ANO10: variants seen among roughly 807,000 people sequenced by gnomAD.
ANO10 encodes anoctamin 10.
In ANO10, 77 loss-of-function variants were observed where a neutral mutation model predicts 74.7. The ratio of observed to expected loss-of-function variants is 1.03; its 90% CI spans 0.86 to 1.25. The LOEUF (loss-of-function observed/expected upper bound fraction) is 1.25. Among genes scored for constraint, ANO10 ranks in the 50% most tolerant of loss-of-function variants. The pLI is 0.00. For missense variants in ANO10, 721 were observed against 778.1 expected (o/e 0.93, Z 0.87); for synonymous variants, 279 against 284.9 (o/e 0.98, Z 0.21).
chr3:43,545,617 C>T (rs1005814137), intron 11 of ANO10, among the ~76,000 whole-genome samples: 3 of 152,170 alleles, frequency 2.0e-5, no homozygotes, highest in Non-Finnish European at 2.9e-5. Context: ...CTGCCCACCT[C>T]GGCCTCCTAA....
intron 1 of ANO10, among the ~76,000 whole-genome samples, chr3:43,689,108 G>A (rs757336422): frequency 1.3e-5 from 2 of 152,086 alleles, no homozygotes; most frequent in Non-Finnish European, 2.9e-5. Flanking sequence ...CAGCATTAAG[G>A]GGATAGTGCC....
chr3:43,453,178 CCT>C (rs2074956566), intron 11 of ANO10, among the ~76,000 whole-genome samples: 1 of 138,190 alleles, frequency 7.2e-6, no homozygotes, highest in Non-Finnish European at 1.5e-5. Flanking sequence ...TTCTTTTCCC[CCT>C]TTTTTTTTTT....
At chr3:43,622,022 C>G (rs886161433), upstream of ANO10, 4 of 152,596 alleles carry the variant, frequency 2.6e-5, no homozygotes, top group East Asian at 5.8e-4. Context: ...GGGGCGGGCG[C>G]CGCCGAGCGC....
intron 11 of ANO10, among the ~76,000 whole-genome samples, chr3:43,482,310 G>A (rs2076304836): frequency 6.6e-6 from 1 of 152,128 alleles, no homozygotes; most frequent in Non-Finnish European, 1.5e-5. Flanking sequence ...AGGATCTCCT[G>A]GGGCTGTGTC....
rs1180221220 is a variant in ANO10 at position 43,366,193 on chromosome 3, C to T, written c.*713G>A. On this transcript the variant is annotated 3_prime_UTR_variant, in exon 13 of 13. Transcript: ENST00000292246. ...ACCAGCAGCAGTTCTCAAAAATGGC[C>T]CAGCCTTCAGCTACAAGCTTTGGTG... 1.3e-5 allele frequency: 2 copies of T among 154,090 alleles called. No homozygotes were observed. The highest frequency in any genetic ancestry group is 4.8e-5 in the African/African-American group (2 of 41,468). 9.5% of individuals were successfully genotyped at this position (154,090 alleles called of 1,614,324 possible). A position where few individuals can be genotyped will look rare whatever the true frequency, so the allele number is the denominator to read the frequency against.
intron 11 of ANO10, among the ~76,000 whole-genome samples, chr3:43,489,464 A>T (rs1340441682): frequency 1.3e-5 from 2 of 152,100 alleles, no homozygotes; most frequent in Admixed American, 6.5e-5. Flanking sequence ...TCCCATGTAC[A>T]CGTTAAATAA....
intron 3 of ANO10, 49 bp from the exon 4 acceptor site, chr3:43,598,715 A>G (rs761159957): frequency 4.9e-6 from 7 of 1,421,386 alleles, no homozygotes; most frequent in South Asian, 1.2e-5. Flanking sequence ...CAAAATAAAA[A>G]TATTCCAATT....
At chr3:43,627,721 A>C (rs1047746770) in intron 1 of ANO10, among the ~76,000 whole-genome samples, 2 of 152,188 alleles carry the variant, frequency 1.3e-5, no homozygotes, top group East Asian at 3.8e-4. Context: ...CGTTTCTTAT[A>C]GAGTTTATTT....
chr3:43,689,163 A>T (rs554212681), intron 1 of ANO10: 2 of 152,216 alleles, frequency 1.3e-5, no homozygotes, highest in African/African-American at 4.8e-5. Flanking sequence ...ATCACCACCC[A>T]TCAAACCCCA....
intron 12 of ANO10, among the ~76,000 whole-genome samples, chr3:43,406,744 A>G (rs993409055): frequency 1.3e-5 from 2 of 152,184 alleles, no homozygotes; most frequent in African/African-American, 4.8e-5. Flanking sequence ...GATGCCATGA[A>G]CACTATGTTC....
chr3:43,601,260 C>T (rs578190794), intron 2 of ANO10, among the ~76,000 whole-genome samples: 6 of 152,234 alleles, frequency 3.9e-5, no homozygotes, highest in African/African-American at 7.2e-5. Context: ...GGTTGGAGTA[C>T]GGTGGCACGA....
At position 43,439,116 on chromosome 3, in the gene ANO10, A is replaced by G. The variant is rs187410777; in HGVS notation, c.1798-6389T>C. 1.2e-3 allele frequency among the ~76,000 whole-genome samples: 187 copies of G among 152,218 alleles called. 1 individual carries two copies. Among genetic ancestry groups the G allele is most frequent in the African/African-American group, 4.0e-3 (165 of 41,542 alleles). On this transcript the variant is annotated intron_variant, in intron 11 of 12. Transcript: ENST00000292246. ...ATCAAACTGTCAAAATCAAAGACAA[A>G]GAGAGTATCTTGAAAGCAGCAAGAG... is the stretch of plus-strand genomic sequence containing the variant.
At chr3:43,660,737 G>A (rs911860599) in intron 1 of ANO10, among the ~76,000 whole-genome samples, 12 of 152,214 alleles carry the variant, frequency 7.9e-5, no homozygotes, top group East Asian at 5.8e-4. Context: ...GGCGGATCAC[G>A]TGAGGTCAGG....
At chr3:43,611,134 C>T (rs958016873) in intron 1 of ANO10, among the ~76,000 whole-genome samples, 2 of 152,222 alleles carry the variant, frequency 1.3e-5, no homozygotes, top group South Asian at 2.1e-4. Context: ...AGACTAAATT[C>T]GAGACAATAG....
At chr3:43,663,845 A>G (rs1645231237) in intron 1 of ANO10, among the ~76,000 whole-genome samples, 1 of 152,238 alleles carries the variant, frequency 6.6e-6, no homozygotes, top group Non-Finnish European at 1.5e-5. Context: ...GACCTCTTCA[A>G]GAAGAACTAC....
At chr3:43,400,318 C>T (rs183059593) in intron 12 of ANO10, among the ~76,000 whole-genome samples, 35 of 151,730 alleles carry the variant, frequency 2.3e-4, no homozygotes, top group African/African-American at 8.5e-4. Flanking sequence ...ACTAGGTCAA[C>T]TCCCAGAGAT....
At chr3:43,470,366 C>A (rs539075410) in intron 11 of ANO10, among the ~76,000 whole-genome samples, 102 of 152,080 alleles carry the variant, frequency 6.7e-4, no homozygotes, top group African/African-American at 2.4e-3. Flanking sequence ...TTTGTTTTTT[C>A]TTTTTGAGAC....
At position 43,605,742 on chromosome 3, in the gene ANO10, G is replaced by A. The variant is rs1015302658; in HGVS notation, c.111C>T (p.Asn37=). The A allele has an allele frequency of 6.2e-7, 1 of 1,613,462 alleles. No homozygotes were observed. The highest frequency in any genetic ancestry group is 8.5e-7 in the Non-Finnish European group (1 of 1,179,634). Residue 37 remains asparagine, a synonymous_variant, in exon 2 of 13, where the codon AAC becomes AAT. Coordinates refer to ENST00000292246, the MANE Select transcript of ANO10 (RefSeq NM_018075.5). The part of the protein sequence containing the change: ...VKEETKEWLK[N]RIIAKKKDGG... ...CATCTTTTTTTTTAGCTATAATTCT[G>A]TTTTTCAGCCATTCTTTGGTTTCTT...
chr3:43,473,221 T>C (rs1225679508), intron 11 of ANO10, among the ~76,000 whole-genome samples: 1 of 152,152 alleles, frequency 6.6e-6, no homozygotes, highest in Non-Finnish European at 1.5e-5. Context: ...AGCATTTGAT[T>C]ATGTCTCTCT....
Sources: allele counts gnomAD v4.1 joint callset (sites outside exome capture counted in the v4.1 genomes callset), GRCh38; gene constraint gnomAD v4.1.1; transcripts MANE v1.5; gene names NCBI Gene and HGNC (gene_info 2026-07-23, HGNC 2026-07-21).